Variants in ATXN1 observed in about 807,000 individuals in gnomAD.
ATXN1 encodes the protein ataxin-1.
In ATXN1, 8 loss-of-function variants were observed where a neutral mutation model predicts 56.4. That is an observed-to-expected ratio of 0.14 (90% confidence interval 0.08 to 0.26). The LOEUF (loss-of-function observed/expected upper bound fraction) is 0.26. Ranked by LOEUF, ATXN1 falls within the 10% of genes least tolerant of loss-of-function variation. The pLI is 1.00. For missense variants in ATXN1, 987 were observed against 1,106.5 expected (o/e 0.89, Z 1.53); for synonymous variants, 514 against 494.6 (o/e 1.04, Z -0.52).
At chr6:16,652,609 G>A (rs1758088149) in intron 3 of ATXN1, among the ~76,000 whole-genome samples, 1 of 152,060 alleles carries the variant, frequency 6.6e-6, no homozygotes, top group Non-Finnish European at 1.5e-5. Flanking sequence ...TTAGACAAAG[G>A]CTCAAAGTCA....
chr6:16,693,822 A>G (rs529484475), intron 2 of ATXN1, among the ~76,000 whole-genome samples: 2 of 152,326 alleles, frequency 1.3e-5, no homozygotes, highest in South Asian at 2.1e-4. Flanking sequence ...AGTAAGTCAC[A>G]GGCTCTCTGG....
rs565885035 is a variant in ATXN1, at chr6:16,371,097, T to C, written c.-160-42627A>G. ...GGGCTCAATTTGCTTTCACACCAAC[T>C]AGAATGGTGTGAAAGAATGGTTTGC... On this transcript the variant is annotated intron_variant, in intron 6 of 7. Coordinates refer to ENST00000436367, the MANE Select transcript of ATXN1 (RefSeq NM_001128164.2). 2.0e-3 allele frequency among the ~76,000 whole-genome samples: 306 copies of C among 152,202 alleles called. 2 individuals are homozygous for C. Among genetic ancestry groups the C allele is most frequent in the Middle Eastern group, 3.4e-3 (1 of 294 alleles).
chr6:16,338,013 T>TAA (rs2113434219), intron 6 of ATXN1, among the ~76,000 whole-genome samples: 1 of 152,332 alleles, frequency 6.6e-6, no homozygotes, highest in Non-Finnish European at 1.5e-5. Context: ...TCCACTGTCC[T>TAA]ATTTAGAATA....
chr6:16,596,314 C>T (rs942019904), intron 3 of ATXN1, among the ~76,000 whole-genome samples: 2 of 152,192 alleles, frequency 1.3e-5, no homozygotes, highest in South Asian at 4.1e-4. Context: ...CTTTTCTCCC[C>T]TATCCAAAGC....
chr6:16,526,064 T>TATATATATATATATATATATATATACAC (rs370698828), intron 4 of ATXN1, among the ~76,000 whole-genome samples: 71 of 133,242 alleles, frequency 5.3e-4, no homozygotes, highest in South Asian at 6.9e-4. Flanking sequence ...TATATATATA[T>TATATATATATATATATATATATATACAC]ACATACATAC....
At chr6:16,483,563 AAAAG>A (rs1225100180) in intron 6 of ATXN1, among the ~76,000 whole-genome samples, 1 of 152,220 alleles carries the variant, frequency 6.6e-6, no homozygotes, top group Non-Finnish European at 1.5e-5. Context: ...TGCGGTTTTG[AAAAG>A]AAAGTACTTA....
In ATXN1 at chr6:16,374,274, C is replaced by T. The variant is rs142882261; in HGVS notation, c.-160-45804G>A. The stretch of plus-strand genomic sequence containing the variant: ...AAGTGCAAAAATTGAAAAGTATGCT[C>T]GATTAGCAAGCTAGAGGGTTTATTA... On this transcript the variant is annotated intron_variant, in intron 6 of 7. Transcript: ENST00000436367. Among the ~76,000 whole-genome samples, 1,004 of 152,116 alleles carry T rather than the reference C, an allele frequency of 6.6e-3. 9 individuals are homozygous for T. Among genetic ancestry groups the T allele is most frequent in the African/African-American group, 0.023 (955 of 41,474 alleles).
chr6:16,522,769 A>G (rs1279033864), intron 4 of ATXN1, 81 bp from the exon 5 acceptor site: 1 of 152,236 alleles, frequency 6.6e-6, no homozygotes, highest in Non-Finnish European at 1.5e-5. Flanking sequence ...CCTAGAGGTG[A>G]TAAGAAATTC....
intron 6 of ATXN1, among the ~76,000 whole-genome samples, chr6:16,440,413 C>G (rs922894241): frequency 2.1e-5 from 3 of 145,460 alleles, no homozygotes. Flanking sequence ...TAGAGAGAGG[C>G]AAAAGAACGT....
chr6:16,605,654 G>A (rs1179907980), intron 3 of ATXN1, among the ~76,000 whole-genome samples: 1 of 152,160 alleles, frequency 6.6e-6, no homozygotes, highest in Non-Finnish European at 1.5e-5. Context: ...ATGATACTTA[G>A]AAGAACTACC....
intron 5 of ATXN1, among the ~76,000 whole-genome samples, chr6:16,507,538 A>G (rs1342726378): frequency 1.3e-5 from 2 of 152,196 alleles, no homozygotes; most frequent in Non-Finnish European, 2.9e-5. Context: ...CCAAAGCCAA[A>G]TTTACAATTA....
At chr6:16,502,422 G>A (rs1342108857) in intron 5 of ATXN1, among the ~76,000 whole-genome samples, 1 of 152,180 alleles carries the variant, frequency 6.6e-6, no homozygotes, top group African/African-American at 2.4e-5. Context: ...AAGAGAAAAT[G>A]TGGTTTTCTT....
chr6:16,565,411 A>G (rs1762199581), intron 4 of ATXN1, among the ~76,000 whole-genome samples: 1 of 152,224 alleles, frequency 6.6e-6, no homozygotes, highest in Admixed American at 6.5e-5. Flanking sequence ...TATCTGATAA[A>G]CATGCCAAAA....
intron 2 of ATXN1, among the ~76,000 whole-genome samples, chr6:16,722,116 C>T (rs967704781): frequency 6.6e-6 from 1 of 152,188 alleles, no homozygotes; most frequent in African/African-American, 2.4e-5. Context: ...AAAGCAATAT[C>T]ATGTTGCAAA....
intron 6 of ATXN1, among the ~76,000 whole-genome samples, chr6:16,397,083 C>T (rs531330020): frequency 1.2e-4 from 18 of 152,238 alleles, no homozygotes; most frequent in African/African-American, 3.9e-4. Flanking sequence ...AAGTGATGCA[C>T]GACTGTCCTA....
chr6:16,456,520 T>A (rs1234941886), intron 6 of ATXN1, among the ~76,000 whole-genome samples: 1 of 152,154 alleles, frequency 6.6e-6, no homozygotes, highest in Non-Finnish European at 1.5e-5. Context: ...GGGCTAAGCC[T>A]AGGGTCGACA....
intron 3 of ATXN1, among the ~76,000 whole-genome samples, chr6:16,639,841 G>A (rs879439562): frequency 1.3e-5 from 2 of 152,180 alleles, no homozygotes; most frequent in Non-Finnish European, 2.9e-5. Flanking sequence ...CTTCTATGCA[G>A]AAAGAAATAC....
At position 16,402,907 on chromosome 6, in the gene ATXN1, C is replaced by T. The variant is rs564017979; in HGVS notation, c.-160-74437G>A. Reference sequence around the variant, plus strand: ...CCTACATCAAACGTTATCTTAACTCCACAGAAAAAATTCACGAACTCCAAA... The same window carrying T: ...CCTACATCAAACGTTATCTTAACTCTACAGAAAAAATTCACGAACTCCAAA... On this transcript the variant is annotated intron_variant, in intron 6 of 7. Transcript: ENST00000436367. Among the ~76,000 whole-genome samples the T allele has an allele frequency of 2.6e-5, 4 of 152,294 alleles. No individual in the cohort carries two copies. The South Asian group carries it at 8.3e-4, about 32-fold the overall frequency.
intron 2 of ATXN1, among the ~76,000 whole-genome samples, chr6:16,750,577 C>G (rs1177974826): frequency 6.6e-6 from 1 of 152,172 alleles, no homozygotes; most frequent in African/African-American, 2.4e-5. Flanking sequence ...TAAATGCAAT[C>G]ATAGAAAATG....
Sources: gnomAD v4.1 joint callset for allele counts (sites outside exome capture counted in the v4.1 genomes callset) on GRCh38, gnomAD v4.1.1 for gene constraint, MANE v1.5 for transcripts, NCBI Gene and HGNC (gene_info 2026-07-23, HGNC 2026-07-21) for gene names.